WWOX: variants seen among roughly 807,000 people sequenced by gnomAD.
The protein encoded by WWOX is WW domain-containing oxidoreductase.
In WWOX, 69 loss-of-function variants were observed where a neutral mutation model predicts 46.2. The ratio of observed to expected loss-of-function variants is 1.49; its 90% CI spans 1.23 to 1.82. The LOEUF (loss-of-function observed/expected upper bound fraction) is 1.82, where lower values mean the gene tolerates loss of function less well. WWOX is among the 40% of genes most tolerant of loss of function. The pLI is 0.00. For synonymous variants in WWOX, 359 were observed against 202.6 expected (o/e 1.77, Z -6.56); for missense variants, 919 against 542.6 (o/e 1.69, Z -6.89).
At chr16:78,492,155 T>A (rs2084799686) in intron 8 of WWOX, among the ~76,000 whole-genome samples, 1 of 152,180 alleles carries the variant, frequency 6.6e-6, no homozygotes, top group Admixed American at 6.5e-5. Flanking sequence ...GAGTGGCGTT[T>A]CCACACACAG....
intron 8 of WWOX, among the ~76,000 whole-genome samples, chr16:78,834,091 C>G (rs142499747): frequency 6.6e-6 from 1 of 152,208 alleles, no homozygotes; most frequent in Admixed American, 6.5e-5. Flanking sequence ...GTCCAGCTGT[C>G]GAACGTCTGG....
chr16:79,179,225 A>C (rs1210631899), intron 8 of WWOX, among the ~76,000 whole-genome samples: 2 of 152,252 alleles, frequency 1.3e-5, no homozygotes, highest in African/African-American at 4.8e-5. Context: ...CAACGTGTCT[A>C]AATGCCAGGT....
At chr16:78,429,568 T>C (rs2083169437) in intron 7 of WWOX, among the ~76,000 whole-genome samples, 1 of 152,264 alleles carries the variant, frequency 6.6e-6, no homozygotes, top group Admixed American at 6.5e-5. Context: ...GGTGGTGCTA[T>C]ATTTATTCCA....
chr16:78,771,347 G>C (rs2050060292), intron 8 of WWOX, among the ~76,000 whole-genome samples: 1 of 152,226 alleles, frequency 6.6e-6, no homozygotes, highest in African/African-American at 2.4e-5. Context: ...TGAAGAACAT[G>C]CATGCCCAAC....
chr16:78,567,667 G>C (rs1309761447), intron 8 of WWOX, among the ~76,000 whole-genome samples: 2 of 151,928 alleles, frequency 1.3e-5, no homozygotes, highest in South Asian at 2.1e-4. Context: ...GCGTAACTAG[G>C]GCAAAGAAGA....
intron 8 of WWOX, among the ~76,000 whole-genome samples, chr16:79,100,883 G>T (rs1260507289): frequency 1.3e-5 from 2 of 151,778 alleles, no homozygotes; most frequent in Non-Finnish European, 2.9e-5. Flanking sequence ...ATGTCCACTG[G>T]CAAGAACTAG....
chr16:79,211,789 C>T lies in WWOX; in HGVS notation c.1238C>T (p.Ser413Phe). The change falls in exon 9 of 9, where the codon TCC (serine) becomes TTC (phenylalanine). Residue 413 changes from serine (S) to phenylalanine (F), a missense_variant. Physicochemically the swap from Ser to Phe is radical, Grantham distance 155. Transcript: ENST00000566780. ...RLIQERLGSQ[S>F]G Reference sequence around the variant, plus strand: ...ATCCAAGAACGGCTTGGCAGCCAGTCCGGCTAAGTGGAGCTCAGAGCGGAT... The same window carrying T: ...ATCCAAGAACGGCTTGGCAGCCAGTTCGGCTAAGTGGAGCTCAGAGCGGAT... 6.2e-7 allele frequency: 1 copy of T among 1,614,076 alleles called. No homozygotes were observed. The highest frequency in any genetic ancestry group is 8.5e-7 in the Non-Finnish European group (1 of 1,179,960).
intron 8 of WWOX, among the ~76,000 whole-genome samples, chr16:78,692,983 C>A (rs140370845): frequency 9.0e-4 from 137 of 152,290 alleles, no homozygotes; most frequent in African/African-American, 2.6e-3. Context: ...ATGCCTTTTG[C>A]TATGGGGTTG....
intron 5 of WWOX, among the ~76,000 whole-genome samples, chr16:78,275,829 GT>G (rs2079566107): frequency 6.6e-6 from 1 of 152,176 alleles, no homozygotes; most frequent in Non-Finnish European, 1.5e-5. Context: ...GAATTTCTTT[GT>G]TTTTGCAGCA....
intron 8 of WWOX, among the ~76,000 whole-genome samples, chr16:79,148,512 A>G (rs547997938): frequency 3.0e-4 from 46 of 152,230 alleles, no homozygotes; most frequent in Non-Finnish European, 2.4e-4. Flanking sequence ...TTCTCACTGT[A>G]TTCTTTTTTA....
rs1388310997 is a variant in WWOX, at chr16:78,693,795, G to A, written c.1056+261043G>A. On this transcript the variant is annotated intron_variant, in intron 8 of 8. Coordinates refer to ENST00000566780, the MANE Select transcript of WWOX (RefSeq NM_016373.4). ...CCAAGGCTGAGAATTGTTGATCTAG[G>A]GGAAGATGTGATTTCATTCTTCATG... Among the ~76,000 whole-genome samples the A allele has an allele frequency of 3.3e-5, 5 of 152,146 alleles. No homozygotes were observed. The East Asian group carries it at 7.7e-4, about 24-fold the overall frequency.
chr16:78,631,180 C>A (rs1210371005), intron 8 of WWOX, among the ~76,000 whole-genome samples: 2 of 152,132 alleles, frequency 1.3e-5, no homozygotes, highest in African/African-American at 4.8e-5. Flanking sequence ...TTCCTTGAAC[C>A]AGTCCCCTTT....
chr16:78,940,373 T>C lies in WWOX; in HGVS notation c.1057-271235T>C, dbSNP rs372444561. Reference sequence around the variant, plus strand: ...ATGCAAAACAGTGGTAGATTTTTAATGGGGTTACTTCCCATCTTAGCTCAG... The same window carrying C: ...ATGCAAAACAGTGGTAGATTTTTAACGGGGTTACTTCCCATCTTAGCTCAG... On this transcript the variant is annotated intron_variant, in intron 8 of 8. Transcript: ENST00000566780. 1.1e-4 allele frequency among the ~76,000 whole-genome samples: 16 copies of C among 152,344 alleles called. No individual in the cohort carries two copies. In the East Asian group the frequency reaches 2.3e-3, roughly 22 times the overall value.
intron 8 of WWOX, among the ~76,000 whole-genome samples, chr16:78,588,569 T>G (rs2045274753): frequency 1.3e-5 from 2 of 152,190 alleles, no homozygotes; most frequent in Non-Finnish European, 2.9e-5. Context: ...AGAAGCTGCC[T>G]GGAGGACCAG....
chr16:78,902,223 C>G (rs1235433589), intron 8 of WWOX, among the ~76,000 whole-genome samples: 1 of 152,192 alleles, frequency 6.6e-6, no homozygotes, highest in African/African-American at 2.4e-5. Context: ...GCTGTAGTGT[C>G]AACAACTTAG....
chr16:78,463,849 A>G (rs1265533797), intron 8 of WWOX, among the ~76,000 whole-genome samples: 5 of 152,178 alleles, frequency 3.3e-5, no homozygotes, highest in Non-Finnish European at 7.4e-5. Flanking sequence ...ATCACCTGGT[A>G]ATTTAAGAGG....
At chr16:78,694,186 C>T (rs1300095356) in intron 8 of WWOX, among the ~76,000 whole-genome samples, 1 of 152,072 alleles carries the variant, frequency 6.6e-6, no homozygotes, top group Non-Finnish European at 1.5e-5. Context: ...TCATTCCAGC[C>T]TGGGCAACAG....
chr16:78,433,719 C>T (rs1161744097), intron 8 of WWOX, among the ~76,000 whole-genome samples: 1 of 150,592 alleles, frequency 6.6e-6, no homozygotes, highest in Admixed American at 6.6e-5. Context: ...AAACTGTCTG[C>T]TGCCTTCTCT....
At chr16:78,987,054 G>T (rs906049081) in intron 8 of WWOX, among the ~76,000 whole-genome samples, 32 of 152,210 alleles carry the variant, frequency 2.1e-4, no homozygotes, top group African/African-American at 7.2e-4. Flanking sequence ...TTTCTTAAAG[G>T]ACACAGCGCC....
Sources: gnomAD v4.1 joint callset for allele counts (sites outside exome capture counted in the v4.1 genomes callset) on GRCh38, gnomAD v4.1.1 for gene constraint, MANE v1.5 for transcripts, NCBI Gene and HGNC (gene_info 2026-07-23, HGNC 2026-07-21) for gene names.